ZNF345: variants seen among roughly 807,000 people sequenced by gnomAD.
ZNF345 encodes zinc finger protein 345.
For missense variants in ZNF345, 527 were observed against 589.9 expected, an observed-to-expected ratio of 0.89 and a Z score of 1.10; for synonymous variants, 166 against 187.9, an observed-to-expected ratio of 0.88 and a Z score of 0.95.
chr19:36,864,293 G>C (rs779566695), intron 2 of ZNF345, among the ~76,000 whole-genome samples: 1 of 152,296 alleles, frequency 6.6e-6, no homozygotes, highest in African/African-American at 2.4e-5. Flanking sequence ...GGGAAGCTGA[G>C]GTGGGAGGAT....
intron 3 of ZNF345, chr19:36,891,246 G>C (rs1422997489): frequency 2.4e-6 from 1 of 408,476 alleles, no homozygotes; most frequent in African/African-American, 2.1e-5. Flanking sequence ...CAGATCCTCA[G>C]AGTCCTCAGA....
chr19:36,892,784 T>TAA, intron 3 of ZNF345: 18 of 415,288 alleles, frequency 4.3e-5, no homozygotes, highest in South Asian at 2.0e-4. Flanking sequence ...AGATTCTAAT[T>TAA]AAAAAAAAAA....
intron 2 of ZNF345, among the ~76,000 whole-genome samples, chr19:36,868,156 C>G (rs2072700032): frequency 6.6e-6 from 1 of 152,024 alleles, no homozygotes; most frequent in African/African-American, 2.4e-5. Context: ...GTGCGTGCCA[C>G]CACGCCCAGC....
At chr19:36,852,004 G>C (rs1160609549) in intron 2 of ZNF345, 100 bp downstream of exon 2, 3 of 151,602 alleles carry the variant, frequency 2.0e-5, no homozygotes, top group Admixed American at 1.3e-4. Context: ...GAGATGACCT[G>C]ATCCCTGGAG....
intron 2 of ZNF345, chr19:36,858,167 A>G (rs529072132): frequency 4.6e-5 from 7 of 152,330 alleles, no homozygotes; most frequent in Admixed American, 2.0e-4. Context: ...TGGCCTGAGC[A>G]TCGCCATTTT....
In ZNF345 at chr19:36,891,376, G is replaced by A. The variant is rs916191702; in HGVS notation, c.47-1442G>A. 3.7e-5 allele frequency: 40 copies of A among 1,087,598 alleles called. No homozygotes were observed. The Middle Eastern group carries it at 6.5e-4, about 18-fold the overall frequency. The allele number at this position is 1,087,598 out of a possible 1,614,324, so 67.4% of individuals were successfully genotyped here. A position where few individuals can be genotyped will look rare whatever the true frequency, so the allele number is the denominator to read the frequency against. On this transcript the variant is annotated intron_variant, in intron 3 of 3. Transcript: ENST00000526123. ...GTACTTGGTACTTTGTTATCGTATC[G>A]TTTAAAAACGAATACATAGGAGAAC...
chr19:36,863,073 C>A (rs569760286), intron 2 of ZNF345: 1 of 152,326 alleles, frequency 6.6e-6, no homozygotes, highest in Admixed American at 6.5e-5. Flanking sequence ...ATGTCCATAA[C>A]TGTGAACAAA....
At chr19:36,876,050 C>G (rs2072875569) in intron 2 of ZNF345, among the ~76,000 whole-genome samples, 1 of 152,140 alleles carries the variant, frequency 6.6e-6, no homozygotes, top group South Asian at 2.1e-4. Context: ...CTTCCCTTTC[C>G]TCTTATGTTA....
Position 36,852,196 on chromosome 19 carries a change from C to T in ZNF345, c.-47+292C>T, listed in dbSNP as rs372855039. 2.6e-4 allele frequency among the ~76,000 whole-genome samples: 36 copies of T among 136,520 alleles called. No homozygotes were observed. In the South Asian group the frequency reaches 8.2e-3, roughly 31 times the overall value. 89.6% of individuals were successfully genotyped at this position (136,520 alleles called of 152,430 possible). On this transcript the variant is annotated intron_variant, in intron 2 of 2. Coordinates refer to ENST00000420450, the MANE Select transcript of ZNF345 (RefSeq NM_001242472.2). The stretch of plus-strand genomic sequence containing the variant: ...TGCTGTGCCCGGCCTTATCCTTCTA[C>T]TCTTGATGGACATTTGTCTTGTAAT...
chr19:36,870,166 C>G (rs1210488438), intron 2 of ZNF345, among the ~76,000 whole-genome samples: 1 of 152,198 alleles, frequency 6.6e-6, no homozygotes, highest in Non-Finnish European at 1.5e-5. Flanking sequence ...TAAATATCAT[C>G]ACCCATTCTG....
chr19:36,853,245 CT>C (rs902150512), intron 2 of ZNF345, among the ~76,000 whole-genome samples: 2,334 of 106,526 alleles, frequency 0.022, 27 homozygotes, highest in African/African-American at 0.066. Context: ...TTCTTTCTTT[CT>C]TTTTTTTTTT....
At chr19:36,891,355 TTGGTACTTTG>T (rs1357547729) in intron 3 of ZNF345, 23 of 864,576 alleles carry the variant, frequency 2.7e-5, no homozygotes, top group South Asian at 2.0e-4. Context: ...GTTTTGGTAC[TTGGTACTTTG>T]TTATCGTATC....
chr19:36,873,513 T>C (rs1451094775), intron 2 of ZNF345, among the ~76,000 whole-genome samples: 2 of 152,150 alleles, frequency 1.3e-5, no homozygotes, highest in Non-Finnish European at 2.9e-5. Flanking sequence ...AAAAATCTAC[T>C]CTCATCAAAA....
intron 2 of ZNF345, among the ~76,000 whole-genome samples, chr19:36,861,275 A>T (rs2072541319): frequency 6.6e-6 from 1 of 152,144 alleles, no homozygotes; most frequent in African/African-American, 2.4e-5. Context: ...GGAATGAATC[A>T]TTTCTCTAAA....
rs748098791 is a variant in ZNF345 at position 36,877,147 on chromosome 19, C to T, written c.317C>T (p.Ala106Val). ...GCCTTTGGTAGTGGTGCAAACCTTGCTTACCATCAAAGAATTCATACTGGT... is the reference window on the plus strand; with the variant it reads ...GCCTTTGGTAGTGGTGCAAACCTTGTTTACCATCAAAGAATTCATACTGGT... ...GKAFGSGANL[A>V]YHQRIHTGEK... Residue 106 changes from alanine (A) to valine (V), a missense_variant, in exon 3 of 3, where the codon GCT (alanine) becomes GTT (valine). Ala to Val is a moderately conservative substitution (Grantham distance 64). Coordinates refer to ENST00000420450, the MANE Select transcript of ZNF345 (RefSeq NM_001242472.2). 1 of 1,613,964 alleles carries T rather than the reference C, an allele frequency of 6.2e-7. No homozygotes were observed. Among genetic ancestry groups the T allele is most frequent in the Non-Finnish European group, 8.5e-7 (1 of 1,179,968 alleles).
rs765096578 is a variant in ZNF345, at chr19:36,877,269, G to C, written c.439G>C (p.Glu147Gln). 1 of 1,614,028 alleles carries C rather than the reference G, an allele frequency of 6.2e-7. No individual in the cohort carries two copies. The highest frequency in any genetic ancestry group is 8.5e-7 in the Non-Finnish European group (1 of 1,179,968). ...QRIHTGEKPY[E>Q]CKECGKAFSF... ...AATTCATACTGGTGAGAAACCCTATGAGTGTAAGGAATGTGGGAAAGCCTT... is the reference window on the plus strand; with the variant it reads ...AATTCATACTGGTGAGAAACCCTATCAGTGTAAGGAATGTGGGAAAGCCTT... The change falls in exon 3 of 3, where the codon GAG (glutamate) becomes CAG (glutamine). Residue 147 changes from glutamate to glutamine, a missense_variant. Glu to Gln is a conservative substitution (Grantham distance 29, BLOSUM62 2). Transcript: ENST00000420450.
chr19:36,879,925 A>G (rs1189060289), downstream of ZNF345, among the ~76,000 whole-genome samples: 1 of 152,164 alleles, frequency 6.6e-6, no homozygotes, highest in Non-Finnish European at 1.5e-5. Flanking sequence ...TTCTAGAAAA[A>G]CTTTTAGCCA....
chr19:36,854,867 T>A (rs544311554), intron 2 of ZNF345, among the ~76,000 whole-genome samples: 4 of 151,410 alleles, frequency 2.6e-5, no homozygotes, highest in Non-Finnish European at 5.9e-5. Context: ...TTCTTTTTTT[T>A]TTTTTGGATG....
downstream of ZNF345, among the ~76,000 whole-genome samples, chr19:36,879,796 G>C (rs581194): frequency 3.9e-5 from 6 of 151,962 alleles, no homozygotes; most frequent in Non-Finnish European, 8.8e-5. Context: ...ATGGTAATGT[G>C]GGTAGAATCA....
Sources: gnomAD v4.1 joint callset for allele counts (sites outside exome capture counted in the v4.1 genomes callset) on GRCh38, gnomAD v4.1.1 for gene constraint, MANE v1.5 for transcripts, NCBI Gene and HGNC (gene_info 2026-07-23, HGNC 2026-07-21) for gene names.